MINAR1: variants seen among roughly 807,000 people sequenced by gnomAD.
The protein encoded by MINAR1 is major intrinsically disordered Notch2-binding receptor 1.
MINAR1 carries 40 observed loss-of-function variants against 65.1 expected under a neutral mutation model. That is an observed-to-expected ratio of 0.61 (90% CI 0.48 to 0.80). MINAR1 has a LOEUF of 0.80. MINAR1 is among the 30% of genes least tolerant of loss of function. MINAR1 has a pLI of 0.00. For missense variants in MINAR1, 1,128 were observed against 1,148.0 expected (o/e 0.98, Z 0.25); for synonymous variants, 482 against 449.1 (o/e 1.07, Z -0.93).
At chr15:79,429,665 G>A (rs1199738081), upstream of MINAR1, among the ~76,000 whole-genome samples, 1 of 152,188 alleles carries the variant, frequency 6.6e-6, no homozygotes, top group East Asian at 1.9e-4. Flanking sequence ...CTTATCCTGG[G>A]AGGGTGGTGC....
chr15:79,454,922 T>G (rs369161755), intron 1 of MINAR1, among the ~76,000 whole-genome samples: 1 of 151,622 alleles, frequency 6.6e-6, no homozygotes, highest in Non-Finnish European at 1.5e-5. Context: ...CATTTTACAT[T>G]AAAATCTGTG....
At chr15:79,444,792 G>C (rs1044566357) in intron 1 of MINAR1, among the ~76,000 whole-genome samples, 1 of 151,714 alleles carries the variant, frequency 6.6e-6, no homozygotes, top group African/African-American at 2.4e-5. Flanking sequence ...ATCACTGCAG[G>C]ATATAAATTC....
the MINAR1 span, chr15:79,418,939 G>A: frequency 4.1e-4 from 63 of 152,396 alleles, no homozygotes; most frequent in African/African-American, 1.3e-3. Flanking sequence ...CACTAACTGA[G>A]TCTTGGCTAA....
chr15:79,466,132 C>G (rs1395996433), intron 3 of MINAR1, among the ~76,000 whole-genome samples: 1 of 152,140 alleles, frequency 6.6e-6, no homozygotes, highest in African/African-American at 2.4e-5. Context: ...GTCTTGGTTT[C>G]TATTTTGGGT....
chr15:79,435,285 A>G (rs919431167), intron 1 of MINAR1, among the ~76,000 whole-genome samples: 1 of 152,060 alleles, frequency 6.6e-6, no homozygotes, highest in Non-Finnish European at 1.5e-5. Flanking sequence ...TCAAAAAAAA[A>G]AAAAAAATAC....
intron 3 of MINAR1, 38 bp downstream of exon 3, chr15:79,463,359 C>T: frequency 6.2e-7 from 1 of 1,601,856 alleles, no homozygotes; most frequent in Non-Finnish European, 8.5e-7. Context: ...GGAAGCCCAG[C>T]TGTGCCCTGG....
At chr15:79,422,809 G>T in the MINAR1 span, 1 of 152,062 alleles carries the variant, frequency 6.6e-6, no homozygotes, top group African/African-American at 2.4e-5. Context: ...CACAGAAGAA[G>T]GTAAAACATG....
Position 79,458,291 on chromosome 15 carries a change from A to G in MINAR1, c.2144A>G (p.Glu715Gly). The G allele has an allele frequency of 1.2e-6, 2 of 1,614,186 alleles. No individual in the cohort carries two copies. Among genetic ancestry groups the G allele is most frequent in the Non-Finnish European group, 8.5e-7 (1 of 1,180,030 alleles). The change falls in exon 2 of 4, where the codon GAG (glutamate) becomes GGG (glycine). Residue 715 changes from glutamate to glycine, a missense_variant. Physicochemically the swap from Glu to Gly is moderately conservative, Grantham distance 98. Transcript: ENST00000305428. ...CCATCCTCTAGGTCCCTAACAGAGGAGAACAGTGCCACAGAGTCCAAAATT... is the reference window on the plus strand; with the variant it reads ...CCATCCTCTAGGTCCCTAACAGAGGGGAACAGTGCCACAGAGTCCAAAATT... ...TRPSSRSLTE[E>G]NSATESKIAS... is the part of the protein sequence containing the mutation.
chr15:79,451,233 G>A (rs1268646670), intron 1 of MINAR1, among the ~76,000 whole-genome samples: 1 of 152,162 alleles, frequency 6.6e-6, no homozygotes, highest in Non-Finnish European at 1.5e-5. Flanking sequence ...TAGGAATTCT[G>A]ATTTAACTGG....
At chr15:79,433,311 A>G (rs929376344) in intron 1 of MINAR1, among the ~76,000 whole-genome samples, 1 of 152,176 alleles carries the variant, frequency 6.6e-6, no homozygotes, top group African/African-American at 2.4e-5. Flanking sequence ...GCACTCCAGC[A>G]TTGTTTTGCT....
intron 1 of MINAR1, among the ~76,000 whole-genome samples, chr15:79,441,765 T>TGGTATCA (rs1253561941): frequency 6.6e-6 from 1 of 152,138 alleles, no homozygotes; most frequent in Non-Finnish European, 1.5e-5. Flanking sequence ...ATGCTGGTTA[T>TGGTATCA]AAATAATATC....
chr15:79,434,896 G>A (rs1192914984), intron 1 of MINAR1, among the ~76,000 whole-genome samples: 3 of 152,194 alleles, frequency 2.0e-5, no homozygotes, highest in East Asian at 1.9e-4. Context: ...TAAAATGAGA[G>A]AGTATCAGAC....
chr15:79,442,352 C>A (rs1372999550), intron 1 of MINAR1, among the ~76,000 whole-genome samples: 1 of 151,922 alleles, frequency 6.6e-6, no homozygotes, highest in African/African-American at 2.4e-5. Context: ...CCATTATTTT[C>A]TCATTGAGTT....
intron 1 of MINAR1, among the ~76,000 whole-genome samples, chr15:79,444,221 T>C (rs1417878287): frequency 6.6e-6 from 1 of 152,222 alleles, no homozygotes; most frequent in East Asian, 1.9e-4. Context: ...TTTTGAGGAT[T>C]AAATAAGTTA....
At position 79,432,493 on chromosome 15, in the gene MINAR1, T is replaced by C. The variant is rs905240968; in HGVS notation, c.-98T>C. 6.6e-6 allele frequency: 1 copy of C among 152,056 alleles called. No homozygotes were observed. Among genetic ancestry groups the C allele is most frequent in the Non-Finnish European group, 1.5e-5 (1 of 68,012 alleles). The allele number at this position is 152,056 out of a possible 1,614,324, so 9.4% of individuals were successfully genotyped here. A position where few individuals can be genotyped will look rare whatever the true frequency, so the allele number is the denominator to read the frequency against. ...GTGCGGACCACTGCCGAACAGCCGC[T>C]GGAGACCCGCAGAGAAGGGCGGGCC... is the stretch of plus-strand genomic sequence containing the variant. On this transcript the variant is annotated 5_prime_UTR_variant, in exon 1 of 4. Transcript: ENST00000305428.
At chr15:79,421,129 C>T in the MINAR1 span, 1 of 152,074 alleles carries the variant, frequency 6.6e-6, no homozygotes, top group African/African-American at 2.4e-5. Context: ...AAAAGTAATG[C>T]AGTAAAAAAA....
chr15:79,461,308 G>A (rs1428308300), intron 2 of MINAR1, among the ~76,000 whole-genome samples: 1 of 152,188 alleles, frequency 6.6e-6, no homozygotes, highest in Admixed American at 6.5e-5. Flanking sequence ...ATCCATACTA[G>A]GGATAATAGC....
chr15:79,445,422 GGC>G (rs1232705327), intron 1 of MINAR1, among the ~76,000 whole-genome samples: 1 of 152,106 alleles, frequency 6.6e-6, no homozygotes, highest in Non-Finnish European at 1.5e-5. Context: ...TGGGCAATTT[GGC>G]TCCAGAGTTT....
chr15:79,445,669 C>T (rs961823335), intron 1 of MINAR1, among the ~76,000 whole-genome samples: 2 of 152,032 alleles, frequency 1.3e-5, no homozygotes, highest in African/African-American at 4.8e-5. Context: ...CTGCCTCAGC[C>T]TCCCAAGTAG....
Sources: gnomAD v4.1 joint callset for allele counts (sites outside exome capture counted in the v4.1 genomes callset) on GRCh38, gnomAD v4.1.1 for gene constraint, MANE v1.5 for transcripts, NCBI Gene and HGNC (gene_info 2026-07-23, HGNC 2026-07-21) for gene names.